CCDC47: variants seen among roughly 807,000 people sequenced by gnomAD.
CCDC47 encodes the protein PAT complex subunit CCDC47.
Under a neutral mutation model 60.5 loss-of-function variants are expected in CCDC47, and 41 were observed. That is an observed-to-expected ratio of 0.68 (90% CI 0.53 to 0.88). The LOEUF (loss-of-function observed/expected upper bound fraction) is 0.88. Ranked by LOEUF, CCDC47 falls within the 40% of genes least tolerant of loss-of-function variation. The pLI is 0.00. For missense variants in CCDC47, 513 were observed against 580.9 expected (o/e 0.88, Z 1.20); for synonymous variants, 195 against 190.7 (o/e 1.02, Z -0.18).
At chr17:63,763,200 C>T (rs543934579) in intron 4 of CCDC47, among the ~76,000 whole-genome samples, 1 of 152,204 alleles carries the variant, frequency 6.6e-6, no homozygotes, top group African/African-American at 2.4e-5. Flanking sequence ...TGGAATTACA[C>T]GTGTGAGCCA....
intron 2 of CCDC47, 177 bp downstream of exon 2, chr17:63,765,735 C>A: frequency 1.4e-6 from 2 of 1,399,186 alleles, no homozygotes; most frequent in East Asian, 2.5e-5. Context: ...GAACACAATT[C>A]ATTCTGTTAA....
intron 6 of CCDC47, among the ~76,000 whole-genome samples, chr17:63,758,885 C>T (rs2039227855): frequency 6.6e-6 from 1 of 151,378 alleles, no homozygotes; most frequent in South Asian, 2.1e-4. Flanking sequence ...AAACAGAATT[C>T]CAAAAAAAGG....
chr17:63,761,502 A>G, intron 4 of CCDC47, 151 bp from the exon 5 acceptor site: 1 of 633,130 alleles, frequency 1.6e-6, no homozygotes, highest in Non-Finnish European at 2.7e-6. Flanking sequence ...CAGCATGGTG[A>G]AACCCTGTCC....
intron 6 of CCDC47, 88 bp from the exon 7 acceptor site, chr17:63,756,658 C>T (rs1398545440): frequency 3.7e-5 from 31 of 835,730 alleles, no homozygotes; most frequent in South Asian, 2.3e-4. Context: ...ATTCCCTCCC[C>T]GCTGGTGCAT....
chr17:63,769,082 TC>T (rs2039317035), intron 1 of CCDC47, among the ~76,000 whole-genome samples: 1 of 138,754 alleles, frequency 7.2e-6, no homozygotes, highest in East Asian at 2.1e-4. Context: ...AGACTCTGTC[TC>T]AAAAAAAAAA....
intron 8 of CCDC47, among the ~76,000 whole-genome samples, chr17:63,755,821 C>T (rs995258483): frequency 1.3e-5 from 2 of 151,562 alleles, no homozygotes; most frequent in East Asian, 3.9e-4. Flanking sequence ...ACATGAATAG[C>T]CACTGCACTC....
intron 9 of CCDC47, 34 bp downstream of exon 9, chr17:63,754,399 A>T (rs1598306244): frequency 7.6e-7 from 1 of 1,318,386 alleles, no homozygotes; most frequent in East Asian, 2.3e-5. Flanking sequence ...GCTAGTGAGG[A>T]AAATTAATTT....
chr17:63,761,235 G>A lies in CCDC47; in HGVS notation c.664C>T (p.Leu222=). 6.2e-7 allele frequency: 1 copy of A among 1,614,156 alleles called. No individual in the cohort carries two copies. The highest frequency in any genetic ancestry group is 8.5e-7 in the Non-Finnish European group (1 of 1,180,014). The change falls in exon 5 of 13, where the codon CTG becomes TTG. Residue 222 remains leucine, a synonymous_variant. Transcript: ENST00000225726. ...ACAAGAAGTTTCCTACTTACCCTCA[G>A]CTGGATAAGCATGCCCTCACAGCAC... ...RVCCEGMLIQ[L]RFLKRQDLLN...
rs1444627066 is a variant in CCDC47 at position 63,756,577 on chromosome 17, A to T, written c.736-7T>A. The stretch of plus-strand genomic sequence containing the variant: ...TCATGGTTACTTTTATTTGCTTTTA[A>T]AAAAATGTAAAAAACAACAAAATTC... On this transcript the variant is annotated splice_polypyrimidine_tract_variant and splice_region_variant and intron_variant, in intron 6 of 12. Coordinates refer to ENST00000225726, the MANE Select transcript of CCDC47 (RefSeq NM_020198.3). 3 of 1,598,918 alleles carry T rather than the reference A, an allele frequency of 1.9e-6. No individual in the cohort carries two copies. The highest frequency in any genetic ancestry group is 8.6e-7 in the Non-Finnish European group (1 of 1,167,122).
In CCDC47 at chr17:63,756,492, G is replaced by T. The variant is rs1178647043; in HGVS notation, c.814C>A (p.Leu272Ile). 17 of 1,613,876 alleles carry T rather than the reference G, an allele frequency of 1.1e-5. No individual in the cohort carries two copies. The highest frequency in any genetic ancestry group is 1.4e-5 in the Non-Finnish European group (16 of 1,179,736). The change falls in exon 7 of 13, where the codon CTA becomes ATA. Residue 272 changes from leucine (L) to isoleucine (I), a missense_variant. Transcript: ENST00000225726. The part of the protein sequence containing the change: ...AVGTRKALVR[L>I]QKEMQDLSEF... ...ACCAAATCCTGCATCTCTTTCTGTAGTCGCACCAAGGCTTTCCGTGTGCCA... is the reference window on the plus strand; with the variant it reads ...ACCAAATCCTGCATCTCTTTCTGTATTCGCACCAAGGCTTTCCGTGTGCCA...
At chr17:63,760,819 A>G in intron 6 of CCDC47, 95 bp downstream of exon 6, 2 of 880,008 alleles carry the variant, frequency 2.3e-6, no homozygotes, top group Middle Eastern at 2.3e-4. Context: ...AGCCTGAGCA[A>G]CAGAGTGAGA....
At chr17:63,748,491 C>G (rs1598303982) in intron 12 of CCDC47, among the ~76,000 whole-genome samples, 1 of 152,052 alleles carries the variant, frequency 6.6e-6, no homozygotes, top group Admixed American at 6.6e-5. Context: ...ATGGCGCAAT[C>G]CCGACTCACT....
chr17:63,771,623 T>C (rs1358083894), intron 1 of CCDC47, among the ~76,000 whole-genome samples: 1 of 152,178 alleles, frequency 6.6e-6, no homozygotes. Context: ...ATTTTCCACT[T>C]CCACTAGGCC....
chr17:63,750,991 C>T (rs1376854751), intron 12 of CCDC47, among the ~76,000 whole-genome samples: 1 of 151,780 alleles, frequency 6.6e-6, no homozygotes, highest in East Asian at 1.9e-4. Context: ...CCTTCCACTT[C>T]AGTCTCCCAA....
intron 1 of CCDC47, among the ~76,000 whole-genome samples, chr17:63,771,045 G>GAAGGAAGGAAGGAAGAAAGAAAGAAAGA (rs759971442): frequency 1.8e-3 from 178 of 97,786 alleles, no homozygotes; most frequent in East Asian, 0.011. Context: ...AGGAAGGAAG[G>GAAGGAAGGAAGGAAGAAAGAAAGAAAGA]AAGAAAGAAA....
At chr17:63,760,300 C>T (rs2039248053) in intron 6 of CCDC47, among the ~76,000 whole-genome samples, 1 of 152,146 alleles carries the variant, frequency 6.6e-6, no homozygotes, top group African/African-American at 2.4e-5. Flanking sequence ...CCAAGTTACC[C>T]ATGAGGGCCA....
At chr17:63,755,956 A>T (rs1305081850) in intron 8 of CCDC47, among the ~76,000 whole-genome samples, 2 of 151,636 alleles carry the variant, frequency 1.3e-5, no homozygotes, top group African/African-American at 4.9e-5. Context: ...AAATGACATG[A>T]CGAAAAAGAT....
At position 63,771,007 on chromosome 17, in the gene CCDC47, A is replaced by AG. The variant is rs1490508391; in HGVS notation, c.-20+2404dup. On this transcript the variant is annotated intron_variant, in intron 1 of 12. Coordinates refer to ENST00000225726, the MANE Select transcript of CCDC47 (RefSeq NM_020198.3). Reference sequence around the variant, plus strand: ...TGTCAAAAAAAAAAAAAAGAAAGAAAGAAAGAAAGGAAGGAAGGAAGGAAG... The same window carrying AG: ...TGTCAAAAAAAAAAAAAAGAAAGAAAGGAAAGAAAGGAAGGAAGGAAGGAAG... Among the ~76,000 whole-genome samples the AG allele has an allele frequency of 3.4e-3, 422 of 123,782 alleles. 3 individuals carry two copies. The highest frequency in any genetic ancestry group is 0.011 in the African/African-American group (390 of 34,202). The allele number at this position is 123,782 out of a possible 152,430, so 81.2% of individuals were successfully genotyped here.
At chr17:63,747,353 G>C (rs1164153815) in intron 12 of CCDC47, 3 of 983,152 alleles carry the variant, frequency 3.1e-6, no homozygotes, top group East Asian at 2.3e-4. Flanking sequence ...TTCTACTTCA[G>C]TTCAATAAAT....
Sources: gnomAD v4.1 joint callset for allele counts (sites outside exome capture counted in the v4.1 genomes callset) on GRCh38, gnomAD v4.1.1 for gene constraint, MANE v1.5 for transcripts, NCBI Gene and HGNC (gene_info 2026-07-23, HGNC 2026-07-21) for gene names.